KCNH7: variants seen among roughly 807,000 people sequenced by gnomAD.
KCNH7 encodes the protein potassium voltage-gated channel subfamily H member 7, also known as voltage-gated inwardly rectifying potassium channel KCNH7.
KCNH7 carries 49 observed loss-of-function variants against 120.8 expected under a neutral mutation model. The ratio of observed to expected loss-of-function variants is 0.41; its 90% confidence interval spans 0.32 to 0.51. KCNH7 has a LOEUF of 0.51. Ranked by LOEUF, KCNH7 falls within the 20% of genes least tolerant of loss-of-function variation. The probability of loss-of-function intolerance (pLI) is 0.38; values close to 1 mark genes in which losing one functional copy is unlikely to be tolerated. For missense variants in KCNH7, 1,097 were observed against 1,446.6 expected (o/e 0.76, Z 3.92); for synonymous variants, 547 against 516.1 (o/e 1.06, Z -0.81).
intron 2 of KCNH7, among the ~76,000 whole-genome samples, chr2:162,623,915 G>A (rs181267494): frequency 1.6e-4 from 25 of 152,168 alleles, no homozygotes; most frequent in Non-Finnish European, 3.2e-4. Context: ...GCAGTTAACC[G>A]CACTCTGAAA....
intron 10 of KCNH7, among the ~76,000 whole-genome samples, chr2:162,399,532 T>G (rs1687011004): frequency 6.6e-6 from 1 of 151,718 alleles, no homozygotes; most frequent in African/African-American, 2.4e-5. Flanking sequence ...TCTCCACACC[T>G]CACGACAGGC....
intron 2 of KCNH7, among the ~76,000 whole-genome samples, chr2:162,605,812 T>C (rs1020748866): frequency 6.6e-6 from 1 of 152,102 alleles, no homozygotes; most frequent in Non-Finnish European, 1.5e-5. Context: ...GTCTCTATTA[T>C]TGAGCTTGAT....
chr2:162,633,876 T>C (rs1683850949), intron 2 of KCNH7, among the ~76,000 whole-genome samples: 1 of 152,070 alleles, frequency 6.6e-6, no homozygotes, highest in Non-Finnish European at 1.5e-5. Flanking sequence ...ATAATTACCC[T>C]TCTCTCCAGC....
intron 6 of KCNH7, among the ~76,000 whole-genome samples, chr2:162,467,990 C>G (rs1321259948): frequency 1.3e-5 from 2 of 152,146 alleles, no homozygotes; most frequent in Non-Finnish European, 2.9e-5. Context: ...CAGGCTGTAT[C>G]TTTTAATAAC....
At chr2:162,428,038 T>C (rs1336571415) in intron 8 of KCNH7, among the ~76,000 whole-genome samples, 1 of 151,844 alleles carries the variant, frequency 6.6e-6, no homozygotes, top group Non-Finnish European at 1.5e-5. Context: ...TTTCTTCCAG[T>C]TGTATTAGGT....
intron 6 of KCNH7, among the ~76,000 whole-genome samples, chr2:162,491,936 T>C (rs1690324766): frequency 6.6e-6 from 1 of 152,134 alleles, no homozygotes; most frequent in South Asian, 2.1e-4. Flanking sequence ...TGGGTAATTG[T>C]GTCCTGTACT....
rs1326688291 is a variant in KCNH7 at position 162,504,550 on chromosome 2, C to T, written c.1021G>A (p.Glu341Lys). Reference protein sequence around the residue: ...KIPQLTLNFSEVKTEKKNSSP... With the variant: ...KIPQLTLNFSKVKTEKKNSSP... ...GAATTCTTTTTCTCAGTTTTGACCT[C>T]TGAAAAATTCAGAGTGAGCTGTGGA... Residue 341 changes from glutamate (E) to lysine (K), a missense_variant, in exon 6 of 16, where the codon GAG becomes AAG. Around this residue, in one of 8 missense-constraint regions of KCNH7, gnomAD observed 362 missense variants for 372.2 expected, o/e 0.97. Transcript: ENST00000332142. 5.0e-6 allele frequency: 8 copies of T among 1,612,634 alleles called. No individual in the cohort carries two copies. Among genetic ancestry groups the T allele is most frequent in the African/African-American group, 1.3e-5 (1 of 74,790 alleles).
intron 2 of KCNH7, among the ~76,000 whole-genome samples, chr2:162,577,407 A>G (rs1693724528): frequency 6.6e-6 from 1 of 150,912 alleles, no homozygotes; most frequent in South Asian, 2.1e-4. Context: ...CCATCTATCT[A>G]TCTATCTATT....
intron 5 of KCNH7, among the ~76,000 whole-genome samples, chr2:162,509,850 T>C (rs1238237005): frequency 1.3e-5 from 2 of 151,628 alleles, no homozygotes; most frequent in African/African-American, 4.8e-5. Context: ...GACAGATTCA[T>C]AGACTAATTG....
chr2:162,829,781 GA>G (rs5835922), intron 2 of KCNH7, among the ~76,000 whole-genome samples: 142,393 of 147,052 alleles, frequency 0.97, 68,955 homozygotes, highest in Middle Eastern at 0.99. Flanking sequence ...TTAAGAAAAT[GA>G]AAAAAAAAAC....
chr2:162,624,514 G>C (rs1285699881), intron 2 of KCNH7, among the ~76,000 whole-genome samples: 4 of 152,112 alleles, frequency 2.6e-5, no homozygotes. Context: ...AGAAATGCAT[G>C]GTGTAAACCT....
intron 2 of KCNH7, among the ~76,000 whole-genome samples, chr2:162,590,040 G>T (rs756717454): frequency 1.3e-5 from 2 of 152,100 alleles, no homozygotes; most frequent in Non-Finnish European, 2.9e-5. Flanking sequence ...AATTCAGAAA[G>T]TGTTTGTTAA....
At chr2:162,526,327 G>A (rs1691703674) in intron 3 of KCNH7, among the ~76,000 whole-genome samples, 1 of 151,934 alleles carries the variant, frequency 6.6e-6, no homozygotes, top group Non-Finnish European at 1.5e-5. Context: ...GGCACTCATT[G>A]TCATTGATAA....
At chr2:162,836,799 A>C in intron 1 of KCNH7, 32 bp from the exon 2 acceptor site, 2 of 1,491,286 alleles carry the variant, frequency 1.3e-6, no homozygotes, top group Non-Finnish European at 9.3e-7. Flanking sequence ...GCATCTTTGA[A>C]AAAGCTTCCA....
intron 6 of KCNH7, among the ~76,000 whole-genome samples, chr2:162,497,914 G>A (rs897864419): frequency 6.6e-6 from 1 of 152,104 alleles, no homozygotes; most frequent in Non-Finnish European, 1.5e-5. Flanking sequence ...AATCCTAAAT[G>A]TTGGGAATCT....
intron 2 of KCNH7, among the ~76,000 whole-genome samples, chr2:162,559,134 T>C (rs550027494): frequency 2.0e-5 from 3 of 151,856 alleles, no homozygotes; most frequent in South Asian, 2.1e-4. Flanking sequence ...TGGAGTAAGT[T>C]AGATCTAGTT....
At chr2:162,561,165 T>C (rs572905848) in intron 2 of KCNH7, among the ~76,000 whole-genome samples, 23 of 152,194 alleles carry the variant, frequency 1.5e-4, no homozygotes, top group Admixed American at 1.0e-3. Context: ...GTTTATATTC[T>C]ATCAAGATCA....
intron 2 of KCNH7, among the ~76,000 whole-genome samples, chr2:162,600,371 C>T (rs777413486): frequency 1.3e-5 from 2 of 152,156 alleles, no homozygotes; most frequent in African/African-American, 2.4e-5. Context: ...TCACAAATTA[C>T]GGCACCCCAC....
intron 2 of KCNH7, among the ~76,000 whole-genome samples, chr2:162,662,630 C>T (rs1005097826): frequency 1.3e-5 from 2 of 152,192 alleles, no homozygotes; most frequent in African/African-American, 2.4e-5. Flanking sequence ...CATATAAAAG[C>T]TCTCTCTTTA....
Sources: allele counts gnomAD v4.1 joint callset (sites outside exome capture counted in the v4.1 genomes callset), GRCh38; gene constraint gnomAD v4.1.1; regional missense constraint gnomAD v4.1.1; transcripts MANE v1.5; gene names NCBI Gene and HGNC (gene_info 2026-07-23, HGNC 2026-07-21).